The following DMD variants were observed in gnomAD, a reference collection of about 807,000 sequenced individuals.
DMD encodes the protein mutant dystrophin.
DMD carries 63 observed loss-of-function variants against 330.1 expected under a neutral mutation model. That is an observed-to-expected ratio of 0.19 (90% CI 0.16 to 0.24). The LOEUF (loss-of-function observed/expected upper bound fraction) is 0.24, where lower values mean the gene tolerates loss of function less well. Ranked by LOEUF, DMD falls within the 10% of genes least tolerant of loss-of-function variation. The pLI, the probability that DMD is intolerant of heterozygous loss-of-function variation, is 1.00. For synonymous variants in DMD, 1,223 were observed against 959.8 expected (o/e 1.27, Z -5.07); for missense variants, 3,344 against 2,684.1 (o/e 1.25, Z -5.43).
At position 31,449,787 on chromosome X, in the gene DMD, T is replaced by TAGATAG. The variant is rs35306515; in HGVS notation, c.8938-5161_8938-5160insCTATCT. On this transcript the variant is annotated intron_variant, in intron 59 of 78. Coordinates refer to ENST00000357033, the MANE Select transcript of DMD (RefSeq NM_004006.3). ...TGATATATATATATATATATATATA[T>TAGATAG]ATATATATATAGATAGATAGATAGA... 5.6e-3 allele frequency among the ~76,000 whole-genome samples: 502 copies of TAGATAG among 89,655 alleles called. 5 individuals carry two copies. The highest frequency in any genetic ancestry group is 0.024 in the Admixed American group (185 of 7,799). The allele number at this position is 89,655 out of a possible 115,157, so 77.9% of individuals were successfully genotyped here.
chrX:31,690,283 A>C (rs1322698124), intron 52 of DMD, among the ~76,000 whole-genome samples: 1 of 112,278 alleles, frequency 8.9e-6, no homozygotes, highest in Non-Finnish European at 1.9e-5. Context: ...GAAAAAACAA[A>C]CAACCCCATC....
chrX:32,468,322 C>T (rs1434124813), intron 23 of DMD, among the ~76,000 whole-genome samples, 176 bp downstream of exon 23: 1 of 110,792 alleles, frequency 9.0e-6, no homozygotes, highest in Non-Finnish European at 1.9e-5. Context: ...TATTCTTTTC[C>T]TAGAAGGAAT....
At chrX:32,631,885 C>CA (rs1480425604) in intron 11 of DMD, among the ~76,000 whole-genome samples, 1 of 111,206 alleles carries the variant, frequency 9.0e-6, no homozygotes, top group Non-Finnish European at 1.9e-5. Flanking sequence ...AACATACATC[C>CA]AAACCATACT....
intron 2 of DMD, among the ~76,000 whole-genome samples, chrX:32,963,129 T>C (rs973013363): frequency 1.6e-4 from 18 of 111,756 alleles, no homozygotes; most frequent in African/African-American, 5.8e-4. Context: ...GCATGCCACA[T>C]ATACAGAAAT....
At chrX:32,432,637 C>T (rs1440065300) in intron 29 of DMD, among the ~76,000 whole-genome samples, 2 of 112,005 alleles carry the variant, frequency 1.8e-5, no homozygotes, top group Admixed American at 9.5e-5. Context: ...TTGCTTCTAA[C>T]GGCTTAGCAA....
intron 51 of DMD, among the ~76,000 whole-genome samples, chrX:31,745,727 T>G (rs1398991135): frequency 8.9e-6 from 1 of 112,009 alleles, no homozygotes; most frequent in Non-Finnish European, 1.9e-5. Context: ...TTTTACTATA[T>G]AGGGGTAAAA....
At chrX:31,914,944 C>G (rs961283972) in intron 47 of DMD, among the ~76,000 whole-genome samples, 6 of 112,387 alleles carry the variant, frequency 5.3e-5, no homozygotes, top group Non-Finnish European at 1.1e-4. Context: ...CCCCCGTTCT[C>G]CATGATGTGA....
intron 13 of DMD, among the ~76,000 whole-genome samples, chrX:32,585,655 G>C (rs187681805): frequency 0.042 from 3,562 of 84,630 alleles, 80 homozygotes; most frequent in Middle Eastern, 0.08. Flanking sequence ...AGCCGAGATC[G>C]CGCCACTGCA....
chrX:32,865,270 T>C (rs969163280), intron 2 of DMD, among the ~76,000 whole-genome samples: 1 of 111,435 alleles, frequency 9.0e-6, no homozygotes, highest in Admixed American at 9.6e-5. Flanking sequence ...GAAGGAAATA[T>C]ACATTTAAGC....
chrX:32,545,216 G>C lies in DMD; in HGVS notation c.2111C>G (p.Pro704Arg), dbSNP rs2148959545. The change falls in exon 17 of 79, where the codon CCA becomes CGA. Residue 704 changes from proline (P) to arginine (R), a missense_variant. Transcript: ENST00000357033. ...ILVKHAQEELPPPPPQKKRQI... is the reference protein window; with the variant it reads ...ILVKHAQEELRPPPPQKKRQI... ...CCTCTTCTTTTGGGGAGGTGGTGGT[G>C]GAAGTTCCTCTTGAGCATGCTTTAC... 8.3e-7 allele frequency: 1 copy of C among 1,210,642 alleles called. No homozygotes were observed. The highest frequency in any genetic ancestry group is 3.0e-5 in the East Asian group (1 of 33,805).
At chrX:32,865,839 A>G (rs2082438492) in intron 2 of DMD, among the ~76,000 whole-genome samples, 1 of 112,701 alleles carries the variant, frequency 8.9e-6, no homozygotes. Flanking sequence ...CAACTGCTGT[A>G]AATGGTAAGT....
At chrX:32,370,828 C>T (rs1433655235) in intron 34 of DMD, among the ~76,000 whole-genome samples, 1 of 111,228 alleles carries the variant, frequency 9.0e-6, no homozygotes, top group Non-Finnish European at 1.9e-5. Flanking sequence ...GAAACCAGAT[C>T]TCTTTAAACT....
At chrX:31,931,138 C>T (rs1157157004) in intron 46 of DMD, among the ~76,000 whole-genome samples, 2 of 110,337 alleles carry the variant, frequency 1.8e-5, no homozygotes, top group Admixed American at 9.6e-5. Context: ...ATTATGTGAC[C>T]GTGTAAAATG....
chrX:31,467,616 C>T (rs923865373), intron 59 of DMD, among the ~76,000 whole-genome samples: 2 of 111,618 alleles, frequency 1.8e-5, no homozygotes, highest in Non-Finnish European at 1.9e-5. Flanking sequence ...GGATATTGGC[C>T]TGAAATTTTC....
In DMD at chrX:33,009,962, A is replaced by G. The variant is rs749010763; in HGVS notation, c.93+10177T>C. Among the ~76,000 whole-genome samples the G allele has an allele frequency of 6.8e-4, 47 of 68,879 alleles. 2 individuals are homozygous for G. The highest frequency in any genetic ancestry group is 9.6e-4 in the Non-Finnish European group (36 of 37,328). 59.8% of individuals were successfully genotyped at this position (68,879 alleles called of 115,157 possible). A position where few individuals can be genotyped will look rare whatever the true frequency, so the allele number is the denominator to read the frequency against. ...TATATACACGTGTGTATGTGTATAT[A>G]CACATATGTGTGTATACACATGTGT... On this transcript the variant is annotated intron_variant, in intron 2 of 78. Transcript: ENST00000357033.
chrX:31,439,208 G>T (rs2064756556), intron 60 of DMD, among the ~76,000 whole-genome samples: 1 of 111,622 alleles, frequency 9.0e-6, no homozygotes, highest in Admixed American at 9.5e-5. Context: ...AGAGGGGTGG[G>T]CCATCATGGA....
At chrX:31,282,068 T>C (rs1458180572) in intron 62 of DMD, among the ~76,000 whole-genome samples, 4 of 111,822 alleles carry the variant, frequency 3.6e-5, no homozygotes, top group Non-Finnish European at 7.5e-5. Flanking sequence ...TGTTGTTTTT[T>C]AGTTTGGTGA....
intron 7 of DMD, among the ~76,000 whole-genome samples, chrX:32,704,786 G>A (rs1009895437): frequency 8.9e-6 from 1 of 112,004 alleles, no homozygotes; most frequent in Admixed American, 9.5e-5. Flanking sequence ...TCATAAACTA[G>A]CCATAGCCAG....
chrX:32,197,856 ACT>A (rs773385248), intron 44 of DMD, among the ~76,000 whole-genome samples: 6 of 110,918 alleles, frequency 5.4e-5, no homozygotes, highest in Admixed American at 9.7e-5. Context: ...CTTAAAATCG[ACT>A]CTCTTAGTAA....
Sources: gnomAD v4.1 joint callset for allele counts (sites outside exome capture counted in the v4.1 genomes callset) on GRCh38, gnomAD v4.1.1 for gene constraint, MANE v1.5 for transcripts, NCBI Gene and HGNC (gene_info 2026-07-23, HGNC 2026-07-21) for gene names.